The following BACE1 variants were observed in gnomAD, a reference collection of about 807,000 sequenced individuals.
BACE1 encodes APP beta-secretase.
In BACE1, 21 loss-of-function variants were observed where a neutral mutation model predicts 54.0. The ratio of observed to expected loss-of-function variants is 0.39; its 90% CI spans 0.28 to 0.56. BACE1 has a LOEUF of 0.56. Among genes scored for constraint, BACE1 ranks in the 20% least tolerant of loss-of-function variants. The pLI is 0.63. For synonymous variants in BACE1, 232 were observed against 260.9 expected, an observed-to-expected ratio of 0.89 and a Z score of 1.07; for missense variants, 511 against 661.2, an observed-to-expected ratio of 0.77 and a Z score of 2.49.
At position 117,310,161 on chromosome 11, in the gene BACE1, G is replaced by A. The variant is rs564014184; in HGVS notation, c.261+5374C>T. Among the ~76,000 whole-genome samples, 20 of 152,142 alleles carry A rather than the reference G, an allele frequency of 1.3e-4. 1 individual carries two copies. The South Asian group carries it at 4.1e-3, about 32-fold the overall frequency. On this transcript the variant is annotated intron_variant, in intron 1 of 8. Coordinates refer to ENST00000313005, the MANE Select transcript of BACE1 (RefSeq NM_012104.6). ...CAGCCTCAGGTGATCCACCCGCCTC[G>A]GCCTCACCTGAGTGCTGGGATTACA...
In BACE1 at chr11:117,289,813, G is replaced by A; in HGVS notation, c.1265-6C>T. On this transcript the variant is annotated splice_region_variant and splice_polypyrimidine_tract_variant and intron_variant, in intron 8 of 8. Transcript: ENST00000313005. ...CGTCCTGAACTCATCGTGCACTGGGGAGAGGGCAAATGTGAATGGACAGCT... is the reference window on the plus strand; with the variant it reads ...CGTCCTGAACTCATCGTGCACTGGGAAGAGGGCAAATGTGAATGGACAGCT... 2.5e-6 allele frequency: 4 copies of A among 1,611,586 alleles called. No individual in the cohort carries two copies. The highest frequency in any genetic ancestry group is 3.4e-6 in the Non-Finnish European group (4 of 1,177,772).
rs2034566199 is a variant in BACE1, at chr11:117,295,175, T to C, written c.523A>G (p.Asn175Asp). Reference protein sequence around the residue: ...ESDKFFINGSNWEGILGLAYA... With the variant: ...ESDKFFINGSDWEGILGLAYA... ...GCCAGCCCCAGGATGCCTTCCCAGT[T>C]GGAGCCGTTGATGAAGAACTTGTCT... The change falls in exon 3 of 9, where the codon AAC (asparagine) becomes GAC (aspartate). Residue 175 changes from asparagine to aspartate, a missense_variant. Asn to Asp is a conservative substitution (Grantham distance 23). Around this residue, in one of 2 missense-constraint regions of BACE1, gnomAD observed 407 missense variants for 565.7 expected, o/e 0.72. Coordinates refer to ENST00000313005, the MANE Select transcript of BACE1 (RefSeq NM_012104.6). 1 of 1,614,166 alleles carries C rather than the reference T, an allele frequency of 6.2e-7. No individual in the cohort carries two copies. Among genetic ancestry groups the C allele is most frequent in the Non-Finnish European group, 8.5e-7 (1 of 1,180,026 alleles).
intron 8 of BACE1, 149 bp from the exon 9 acceptor site, chr11:117,289,956 C>T (rs1461613924): frequency 1.1e-5 from 8 of 728,426 alleles, no homozygotes. Flanking sequence ...GGCTGGGAAG[C>T]CAGCACCAGG....
At chr11:117,312,706 G>A (rs565828071) in intron 1 of BACE1, among the ~76,000 whole-genome samples, 27 of 152,080 alleles carry the variant, frequency 1.8e-4, no homozygotes, top group Non-Finnish European at 2.4e-4. Context: ...CAGGTGATCC[G>A]CCGGCCTCAG....
chr11:117,309,697 G>A (rs190196427), intron 1 of BACE1, among the ~76,000 whole-genome samples: 194 of 152,208 alleles, frequency 1.3e-3, no homozygotes, highest in African/African-American at 4.1e-3. Flanking sequence ...TAATATTTAG[G>A]TATTATGTCT....
Position 117,293,158 on chromosome 11 carries a change from T to C in BACE1, c.736A>G (p.Thr246Ala), listed in dbSNP as rs773752979. Residue 246 changes from threonine (T) to alanine (A), a missense_variant, in exon 5 of 9, where the codon ACA becomes GCA. This residue lies in a region of BACE1 where 407 missense variants were observed against 565.7 expected (regional missense o/e 0.72). Coordinates refer to ENST00000313005, the MANE Select transcript of BACE1 (RefSeq NM_012104.6). This position sits in a 1 kb window ranked among gnomAD's most constrained non-coding sequence, Gnocchi z 4.1. Reference protein sequence around the residue: ...IIGGIDHSLYTGSLWYTPIRR... With the variant: ...IIGGIDHSLYAGSLWYTPIRR... ...ATGGGTGTATACCAGAGACTGCCTG[T>C]GTACAGCGAGTGGTCGATACCTCCA... The C allele has an allele frequency of 1.7e-5, 28 of 1,613,906 alleles. No homozygotes were observed. The highest frequency in any genetic ancestry group is 2.3e-5 in the Non-Finnish European group (27 of 1,179,994).
At position 117,287,037 on chromosome 11, in the gene BACE1, A is replaced by G. The variant is rs1215428699; in HGVS notation, c.*2529T>C. The G allele has an allele frequency of 6.6e-6, 1 of 152,228 alleles. No homozygotes were observed. Among genetic ancestry groups the G allele is most frequent in the Non-Finnish European group, 1.5e-5 (1 of 68,034 alleles). 9.4% of individuals were successfully genotyped at this position (152,228 alleles called of 1,614,324 possible). ...ATCCCCTGCAAATTTAGAAATTGAA[A>G]ATGAGTGTAAAGCATATTGTTTCTT... On this transcript the variant is annotated 3_prime_UTR_variant, in exon 9 of 9. Coordinates refer to ENST00000313005, the MANE Select transcript of BACE1 (RefSeq NM_012104.6).
chr11:117,292,211 A>C (rs1397784459), intron 5 of BACE1: 1 of 82,914 alleles, frequency 1.2e-5, no homozygotes, highest in African/African-American at 5.0e-5. Flanking sequence ...TTTTTTTGAG[A>C]TGGAGTATTA....
At chr11:117,308,768 G>T (rs2034885719) in intron 1 of BACE1, among the ~76,000 whole-genome samples, 2 of 151,914 alleles carry the variant, frequency 1.3e-5, no homozygotes, top group African/African-American at 4.8e-5. Flanking sequence ...GGCCAACATG[G>T]TGAAACCCCC....
chr11:117,311,489 C>T (rs1176453430), intron 1 of BACE1, among the ~76,000 whole-genome samples: 1 of 152,134 alleles, frequency 6.6e-6, no homozygotes, highest in Non-Finnish European at 1.5e-5. Flanking sequence ...GTCACCAAAT[C>T]CTTCCCACCT....
chr11:117,296,118 C>T (rs771084603), intron 2 of BACE1, among the ~76,000 whole-genome samples: 17 of 152,192 alleles, frequency 1.1e-4, no homozygotes, highest in South Asian at 2.1e-4. Context: ...CCTCTACTCA[C>T]GTTTGCACAC....
chr11:117,295,024 A>C, intron 3 of BACE1, 107 bp downstream of exon 3: 1 of 1,174,040 alleles, frequency 8.5e-7, no homozygotes, highest in Non-Finnish European at 1.2e-6. Flanking sequence ...TAATCCTTTA[A>C]ACTGATTGTT....
In BACE1 at chr11:117,315,804, C is replaced by T; in HGVS notation, c.-9G>A. ...GGCAGGGCTTGGGCCATGGTGGGCC[C>T]CGGCCTTCGGGCCCTCTGGGCTCGC... On this transcript the variant is annotated 5_prime_UTR_variant, in exon 1 of 9. Transcript: ENST00000313005. The surrounding 1 kb of genome is among the most constrained non-coding windows in gnomAD (Gnocchi z 5.5). 7.1e-7 allele frequency: 1 copy of T among 1,400,190 alleles called. No homozygotes were observed. Among genetic ancestry groups the T allele is most frequent in the Non-Finnish European group, 9.2e-7 (1 of 1,086,184 alleles). The allele number at this position is 1,400,190 out of a possible 1,614,324, so 86.7% of individuals were successfully genotyped here.
At chr11:117,300,843 T>C (rs968995281) in intron 1 of BACE1, among the ~76,000 whole-genome samples, 2 of 152,162 alleles carry the variant, frequency 1.3e-5, no homozygotes, top group African/African-American at 4.8e-5. Flanking sequence ...CCTGTTGACA[T>C]TTACAGATGC....
At chr11:117,298,922 C>T (rs1448217185) in intron 1 of BACE1, among the ~76,000 whole-genome samples, 1 of 152,222 alleles carries the variant, frequency 6.6e-6, no homozygotes, top group African/African-American at 2.4e-5. Flanking sequence ...TCTCCTGTCT[C>T]AGTCTCCTGA....
rs373090502 is a variant in BACE1, at chr11:117,307,229, C to T, written c.261+8306G>A. 3.9e-5 allele frequency among the ~76,000 whole-genome samples: 6 copies of T among 152,192 alleles called. 1 individual carries two copies. Among genetic ancestry groups the T allele is most frequent in the African/African-American group, 1.4e-4 (6 of 41,438 alleles). On this transcript the variant is annotated intron_variant, in intron 1 of 8. Coordinates refer to ENST00000313005, the MANE Select transcript of BACE1 (RefSeq NM_012104.6). ...TTCCTTCCCAGAACTCTCCCCTGCC[C>T]AGGCACCTGAAAGAGAAGGCTCCCA...
chr11:117,313,564 A>T (rs2035003661), intron 1 of BACE1, among the ~76,000 whole-genome samples: 2 of 152,290 alleles, frequency 1.3e-5, no homozygotes, highest in Non-Finnish European at 2.9e-5. Context: ...CCTCCTGAGT[A>T]GCTGGGATTA....
intron 1 of BACE1, among the ~76,000 whole-genome samples, chr11:117,308,687 T>C (rs527279062): frequency 9.1e-4 from 138 of 152,184 alleles, no homozygotes; most frequent in Middle Eastern, 6.8e-3. Context: ...CGGTGGCTCA[T>C]ACCTGTAATC....
In BACE1 at chr11:117,293,936, G is replaced by T. The variant is rs750250005; in HGVS notation, c.640C>A (p.Gln214Lys). 3.7e-6 allele frequency: 6 copies of T among 1,613,970 alleles called. No individual in the cohort carries two copies. Among genetic ancestry groups the T allele is most frequent in the South Asian group, 1.1e-5 (1 of 91,082 alleles). ...AGGGGGAAGCCAGCACCACAAAGCT[G>T]CAGGGAGAAGAGGTTGGGAACGTGG... ...QTHVPNLFSL[Q>K]LCGAGFPLNQ... Residue 214 changes from glutamine (Q) to lysine (K), a missense_variant, in exon 4 of 9, where the codon CAG (glutamine) becomes AAG (lysine). Physicochemically the swap from Gln to Lys is moderately conservative, Grantham distance 53. Transcript: ENST00000313005. The surrounding 1 kb of genome is among the most constrained non-coding windows in gnomAD (Gnocchi z 4.1).
Sources: allele counts gnomAD v4.1 joint callset (sites outside exome capture counted in the v4.1 genomes callset), GRCh38; gene constraint gnomAD v4.1.1; regional missense constraint gnomAD v4.1.1; non-coding constraint Gnocchi (gnomAD v3.1); transcripts MANE v1.5; gene names NCBI Gene and HGNC (gene_info 2026-07-23, HGNC 2026-07-21).